The following XPO1 variants were observed in gnomAD, a reference collection of about 807,000 sequenced individuals.
XPO1 encodes the protein exportin 1, also known as exportin-1.
Under a neutral mutation model 133.3 loss-of-function variants are expected in XPO1, and 5 were observed. That is an observed-to-expected ratio of 0.04 (90% CI 0.02 to 0.08). The LOEUF (loss-of-function observed/expected upper bound fraction) is 0.08. XPO1 is among the 10% of genes least tolerant of loss of function. The pLI, the probability that XPO1 is intolerant of heterozygous loss-of-function variation, is 1.00. For missense variants in XPO1, 506 were observed against 1,267.5 expected (o/e 0.40, Z 9.12); for synonymous variants, 419 against 408.2 (o/e 1.03, Z -0.32).
At chr2:61,528,736 TATATATATATATATATA>T in intron 2 of XPO1, among the ~76,000 whole-genome samples, 1 of 1,894 alleles carries the variant, frequency 5.3e-4, no homozygotes, top group African/African-American at 3.8e-3. Context: ...ATTTTATTTA[TATATATATATATATATA>T]TATATATATA....
Position 61,498,650 on chromosome 2 carries a change from TAACTG to T in XPO1, c.759+18_759+22del, listed in dbSNP as rs1697358211. 1.2e-6 allele frequency: 2 copies of T among 1,610,640 alleles called. No individual in the cohort carries two copies. The highest frequency in any genetic ancestry group is 2.7e-5 in the African/African-American group (2 of 74,840). On this transcript the variant is annotated intron_variant, in intron 9 of 24. Coordinates refer to ENST00000401558, the MANE Select transcript of XPO1 (RefSeq NM_003400.4). ...ATATATGTGGCTATCCGGTGACAAA[TAACTG>T]AAATGTATTCACTGTACCTTATAAA...
intron 2 of XPO1, among the ~76,000 whole-genome samples, chr2:61,529,878 C>A (rs1425454214): frequency 6.6e-6 from 1 of 152,182 alleles, no homozygotes; most frequent in Non-Finnish European, 1.5e-5. Context: ...CTGAAAAGAT[C>A]AGACGCCTGC....
chr2:61,502,908 A>G (rs1005382925), intron 4 of XPO1, among the ~76,000 whole-genome samples: 7 of 151,240 alleles, frequency 4.6e-5, no homozygotes, highest in Non-Finnish European at 7.4e-5. Context: ...AGCCCAGCCT[A>G]TAACAAACTG....
intron 17 of XPO1, among the ~76,000 whole-genome samples, chr2:61,490,031 C>T (rs1341963160): frequency 6.6e-6 from 1 of 151,750 alleles, no homozygotes; most frequent in African/African-American, 2.4e-5. Context: ...GCTGGGATTA[C>T]AGGCGCCCAC....
intron 10 of XPO1, among the ~76,000 whole-genome samples, chr2:61,496,369 A>C (rs1697242497): frequency 6.6e-6 from 1 of 152,040 alleles, no homozygotes; most frequent in Admixed American, 6.6e-5. Context: ...GCAACACCAC[A>C]GCTAGCTATT....
At position 61,524,111 on chromosome 2, in the gene XPO1, T is replaced by C. The variant is rs576516659; in HGVS notation, c.229-1428A>G. ...AGTTCTTAATTAGCTTTTAAAAACA[T>C]ACTACCCTAAGCATTTTCTTTAATT... On this transcript the variant is annotated intron_variant, in intron 3 of 24. Transcript: ENST00000401558. Among the ~76,000 whole-genome samples the C allele has an allele frequency of 8.5e-5, 13 of 152,272 alleles. No homozygotes were observed. In the East Asian group the frequency reaches 2.5e-3, roughly 29 times the overall value.
intron 24 of XPO1, among the ~76,000 whole-genome samples, chr2:61,479,266 C>G (rs1696211106): frequency 6.6e-6 from 1 of 151,996 alleles, no homozygotes; most frequent in Admixed American, 6.6e-5. Flanking sequence ...GGAGACCACC[C>G]TGGCCAACAT....
At chr2:61,532,736 G>A (rs1699211934) in intron 2 of XPO1, among the ~76,000 whole-genome samples, 1 of 151,694 alleles carries the variant, frequency 6.6e-6, no homozygotes, top group Non-Finnish European at 1.5e-5. Context: ...GGGAGGCTAA[G>A]GCAGGTGAAT....
intron 4 of XPO1, among the ~76,000 whole-genome samples, chr2:61,518,561 G>A (rs1698526708): frequency 6.6e-6 from 1 of 151,756 alleles, no homozygotes; most frequent in Non-Finnish European, 1.5e-5. Context: ...AGCTTGCACT[G>A]AGCCGAGATC....
At position 61,493,450 on chromosome 2, in the gene XPO1, T is replaced by C. The variant is rs139674839; in HGVS notation, c.1246-397A>G. On this transcript the variant is annotated intron_variant, in intron 12 of 24. Coordinates refer to ENST00000401558, the MANE Select transcript of XPO1 (RefSeq NM_003400.4). ...TTAGTCTAGGAGTTCAAGATTGTAG[T>C]GAGCTATGACCACGCCACTGCACTC... The C allele has an allele frequency of 5.6e-4, 107 of 192,090 alleles. 2 individuals carry two copies. In the East Asian group the frequency reaches 0.014, roughly 25 times the overall value. 11.9% of individuals were successfully genotyped at this position (192,090 alleles called of 1,614,324 possible). A position where few individuals can be genotyped will look rare whatever the true frequency, so the allele number is the denominator to read the frequency against.
chr2:61,489,007 C>A (rs1304142971), intron 17 of XPO1, among the ~76,000 whole-genome samples: 1 of 151,884 alleles, frequency 6.6e-6, no homozygotes. Context: ...GAGGTTGAGG[C>A]AGGAGAACGG....
chr2:61,531,127 A>G (rs1259089184), intron 2 of XPO1, among the ~76,000 whole-genome samples: 1 of 152,228 alleles, frequency 6.6e-6, no homozygotes, highest in African/African-American at 2.4e-5. Context: ...TTCCTTTGAA[A>G]TAAGACCCCC....
intron 20 of XPO1, 132 bp downstream of exon 20, chr2:61,485,636 C>T (rs1696656467): frequency 2.4e-6 from 2 of 841,928 alleles, no homozygotes; most frequent in Admixed American, 6.3e-5. Flanking sequence ...AAAGTATTTC[C>T]CTAATATACA....
At chr2:61,537,351 C>A (rs570635155) in intron 1 of XPO1, among the ~76,000 whole-genome samples, 54 of 151,486 alleles carry the variant, frequency 3.6e-4, no homozygotes, top group African/African-American at 1.2e-3. Context: ...GCTCCCCTCC[C>A]GAGGCCGCCT....
chr2:61,493,182 A>AT (rs1411674703), intron 12 of XPO1, 129 bp from the exon 13 acceptor site: 1 of 940,266 alleles, frequency 1.1e-6, no homozygotes, highest in African/African-American at 1.7e-5. Flanking sequence ...ATTCATGCCT[A>AT]TAATTCCAAC....
Position 61,526,413 on chromosome 2 carries a change from T to G in XPO1, c.228+7A>C. 1.9e-6 allele frequency: 3 copies of G among 1,603,734 alleles called. No individual in the cohort carries two copies. The highest frequency in any genetic ancestry group is 2.5e-6 in the Non-Finnish European group (3 of 1,177,446). ...AATAACAGATTTTAAAACCACCACTTGCTTACTTTCGTATTCATATTCTGA... is the reference window on the plus strand; with the variant it reads ...AATAACAGATTTTAAAACCACCACTGGCTTACTTTCGTATTCATATTCTGA... On this transcript the variant is annotated splice_region_variant and intron_variant, in intron 3 of 24. Coordinates refer to ENST00000401558, the MANE Select transcript of XPO1 (RefSeq NM_003400.4).
chr2:61,486,097 G>T, intron 19 of XPO1, 135 bp from the exon 20 acceptor site: 2 of 813,770 alleles, frequency 2.5e-6, no homozygotes, highest in Non-Finnish European at 1.8e-6. Flanking sequence ...TTTGTATTAG[G>T]GTTTCCTACG....
At chr2:61,516,001 C>T (rs966230375) in intron 4 of XPO1, among the ~76,000 whole-genome samples, 21 of 149,836 alleles carry the variant, frequency 1.4e-4, no homozygotes, top group African/African-American at 5.2e-4. Flanking sequence ...TAGCAGGCAC[C>T]TGTAGTCCCA....
chr2:61,518,157 G>T (rs777189548), intron 4 of XPO1, among the ~76,000 whole-genome samples: 10 of 151,074 alleles, frequency 6.6e-5, no homozygotes, highest in Non-Finnish European at 1.5e-4. Flanking sequence ...AAAGCCTGAG[G>T]CAAGAGGATC....
Sources: gnomAD v4.1 joint callset for allele counts (sites outside exome capture counted in the v4.1 genomes callset) on GRCh38, gnomAD v4.1.1 for gene constraint, MANE v1.5 for transcripts, NCBI Gene and HGNC (gene_info 2026-07-23, HGNC 2026-07-21) for gene names.